The following PSMD14 variants were observed in gnomAD, a reference collection of about 807,000 sequenced individuals.
The protein encoded by PSMD14 is ubiquitin C-terminal hydrolase PSMD14.
In PSMD14, 7 loss-of-function variants were observed where a neutral mutation model predicts 41.2. That is an observed-to-expected ratio of 0.17 (90% CI 0.10 to 0.32). The LOEUF (loss-of-function observed/expected upper bound fraction) is 0.32, where lower values mean the gene tolerates loss of function less well. Among genes scored for constraint, PSMD14 ranks in the 10% least tolerant of loss-of-function variants. PSMD14 has a pLI of 1.00. For missense variants in PSMD14, 139 were observed against 375.6 expected (o/e 0.37, Z 5.21); for synonymous variants, 114 against 122.3 (o/e 0.93, Z 0.45).
chr2:161,370,306 T>A, intron 6 of PSMD14, 129 bp downstream of exon 6: 1 of 697,186 alleles, frequency 1.4e-6, no homozygotes, highest in Non-Finnish European at 2.3e-6. Context: ...AAAGTATCTG[T>A]AAATATCAGT....
At chr2:161,317,325 A>G (rs987210550) in intron 2 of PSMD14, among the ~76,000 whole-genome samples, 3 of 152,164 alleles carry the variant, frequency 2.0e-5, no homozygotes, top group Admixed American at 1.3e-4. Context: ...TAAAAAAGGA[A>G]TTTTTAAAAT....
At chr2:161,357,817 G>A (rs1490923249) in intron 3 of PSMD14, among the ~76,000 whole-genome samples, 1 of 151,634 alleles carries the variant, frequency 6.6e-6, no homozygotes, top group African/African-American at 2.4e-5. Context: ...TTATACTGGT[G>A]CCTTCGTTTA....
At chr2:161,358,165 CCTGA>C (rs1231802415) in intron 3 of PSMD14, among the ~76,000 whole-genome samples, 2 of 151,824 alleles carry the variant, frequency 1.3e-5, no homozygotes, top group African/African-American at 4.8e-5. Flanking sequence ...CCAGCATTTC[CCTGA>C]CTTTCTTAAA....
intron 1 of PSMD14, among the ~76,000 whole-genome samples, chr2:161,315,122 C>T (rs1329898561): frequency 6.6e-6 from 1 of 152,166 alleles, no homozygotes; most frequent in Non-Finnish European, 1.5e-5. Context: ...TCAAGAATGG[C>T]TTCAAACATT....
chr2:161,377,963 C>T (rs1683523844), intron 7 of PSMD14, among the ~76,000 whole-genome samples: 1 of 151,790 alleles, frequency 6.6e-6, no homozygotes, highest in Admixed American at 6.6e-5. Flanking sequence ...CAAGTGGAAA[C>T]GTGGAAACTA....
At chr2:161,321,517 G>A (rs531725477) in intron 3 of PSMD14, among the ~76,000 whole-genome samples, 50 of 152,070 alleles carry the variant, frequency 3.3e-4, no homozygotes, top group African/African-American at 1.1e-3. Context: ...CAAACCTGGC[G>A]GTTACTGTCA....
At chr2:161,309,270 T>G (rs1161918831) in intron 1 of PSMD14, among the ~76,000 whole-genome samples, 1 of 152,226 alleles carries the variant, frequency 6.6e-6, no homozygotes, top group African/African-American at 2.4e-5. Flanking sequence ...TTCCTGGGGA[T>G]GTAGCTCTGT....
At chr2:161,354,421 G>GT (rs535466579) in intron 3 of PSMD14, among the ~76,000 whole-genome samples, 9 of 152,010 alleles carry the variant, frequency 5.9e-5, no homozygotes, top group East Asian at 3.9e-4. Context: ...AATTTTTGTA[G>GT]TTTTTTGTAG....
At chr2:161,376,061 GTCT>G (rs1559050165) in intron 7 of PSMD14, among the ~76,000 whole-genome samples, 1 of 150,196 alleles carries the variant, frequency 6.7e-6, no homozygotes, top group African/African-American at 2.4e-5. Flanking sequence ...TCAAATAGTA[GTCT>G]TCTTTTGAGC....
intron 7 of PSMD14, among the ~76,000 whole-genome samples, chr2:161,372,228 T>C (rs1683445699): frequency 6.6e-6 from 1 of 152,108 alleles, no homozygotes; most frequent in African/African-American, 2.4e-5. Flanking sequence ...GAATAATTGT[T>C]AAAATAAAAT....
chr2:161,395,023 A>G (rs1683772970), intron 9 of PSMD14, 55 bp from the exon 10 acceptor site: 1 of 1,453,110 alleles, frequency 6.9e-7, no homozygotes, highest in African/African-American at 1.5e-5. Context: ...TCTCTAGACA[A>G]TGAAGGGGGT....
chr2:161,320,461 G>A (rs1170483097), intron 3 of PSMD14, among the ~76,000 whole-genome samples: 1 of 152,058 alleles, frequency 6.6e-6, no homozygotes, highest in Non-Finnish European at 1.5e-5. Context: ...CAGCCATTGT[G>A]TCCTTAGTTT....
At position 161,375,131 on chromosome 2, in the gene PSMD14, A is replaced by G. The variant is rs138387393; in HGVS notation, c.462+3809A>G. Among the ~76,000 whole-genome samples, 156 of 152,162 alleles carry G rather than the reference A, an allele frequency of 1.0e-3. 1 individual carries two copies. The highest frequency in any genetic ancestry group is 3.6e-3 in the African/African-American group (151 of 41,552). On this transcript the variant is annotated intron_variant, in intron 7 of 11. Coordinates refer to ENST00000409682, the MANE Select transcript of PSMD14 (RefSeq NM_005805.6). Reference sequence around the variant, plus strand: ...TCTAACTGCAGGTCAGCTTATCTGCAGGTATTTCTTAAGTGTACCTGATCT... The same window carrying G: ...TCTAACTGCAGGTCAGCTTATCTGCGGGTATTTCTTAAGTGTACCTGATCT...
chr2:161,355,716 A>G (rs1111416), intron 3 of PSMD14, among the ~76,000 whole-genome samples: 139,182 of 152,218 alleles, frequency 0.91, 63,685 homozygotes, highest in East Asian at 1. Context: ...GTATTAACTC[A>G]TTTATGTTTT....
intron 3 of PSMD14, among the ~76,000 whole-genome samples, chr2:161,353,103 A>G (rs1032878236): frequency 1.3e-5 from 2 of 152,232 alleles, no homozygotes; most frequent in Non-Finnish European, 2.9e-5. Flanking sequence ...CTTTAAGACT[A>G]TGAGTCAGAT....
intron 3 of PSMD14, among the ~76,000 whole-genome samples, chr2:161,320,331 G>A (rs150937805): frequency 1.8e-3 from 267 of 152,262 alleles, no homozygotes; most frequent in African/African-American, 6.1e-3. Context: ...CCCTGGACAT[G>A]AAATAATGGT....
At position 161,354,287 on chromosome 2, in the gene PSMD14, C is replaced by CCAGGCTAGAGTA. The variant is rs1224038803; in HGVS notation, c.49-13187_49-13176dup. Among the ~76,000 whole-genome samples, 19 of 152,082 alleles carry CCAGGCTAGAGTA rather than the reference C, an allele frequency of 1.2e-4. 1 individual carries two copies. The highest frequency in any genetic ancestry group is 1.1e-3 in the Admixed American group (17 of 15,260). Reference sequence around the variant, plus strand: ...GGTGGAGACAGAGTCTCACTCTTGCCCAGGCTAGAGTACAGTGGCACTGTG... The same window carrying CCAGGCTAGAGTA: ...GGTGGAGACAGAGTCTCACTCTTGCCCAGGCTAGAGTACAGGCTAGAGTACAGTGGCACTGTG... On this transcript the variant is annotated intron_variant, in intron 3 of 11. Transcript: ENST00000409682.
chr2:161,362,975 C>T (rs1238760266), intron 3 of PSMD14, among the ~76,000 whole-genome samples: 1 of 152,144 alleles, frequency 6.6e-6, no homozygotes, highest in African/African-American at 2.4e-5. Context: ...GCTTTGAGCT[C>T]TTGTCTGTCC....
intron 3 of PSMD14, among the ~76,000 whole-genome samples, chr2:161,331,941 G>A (rs1483062454): frequency 6.6e-6 from 1 of 152,152 alleles, no homozygotes; most frequent in African/African-American, 2.4e-5. Context: ...ACAAGAAGTG[G>A]AGCTAGAGCT....
Sources: allele counts gnomAD v4.1 joint callset (sites outside exome capture counted in the v4.1 genomes callset), GRCh38; gene constraint gnomAD v4.1.1; transcripts MANE v1.5; gene names NCBI Gene and HGNC (gene_info 2026-07-23, HGNC 2026-07-21).